THSD7B: variants seen among roughly 807,000 people sequenced by gnomAD.
The protein encoded by THSD7B is thrombospondin type-1 domain-containing protein 7B.
Under a neutral mutation model 213.6 loss-of-function variants are expected in THSD7B, and 138 were observed. The observed-to-expected ratio is 0.65, with a 90% CI of 0.56 to 0.74. The LOEUF (loss-of-function observed/expected upper bound fraction) is 0.74. THSD7B is among the 30% of genes least tolerant of loss of function. The probability of loss-of-function intolerance (pLI) is 0.00; values close to 1 mark genes in which losing one functional copy is unlikely to be tolerated. For synonymous variants in THSD7B, 742 were observed against 687.0 expected, an observed-to-expected ratio of 1.08 and a Z score of -1.25; for missense variants, 1,931 against 1,991.5, an observed-to-expected ratio of 0.97 and a Z score of 0.58.
intron 12 of THSD7B, among the ~76,000 whole-genome samples, chr2:137,323,947 A>C (rs1684314217): frequency 6.6e-6 from 1 of 152,192 alleles, no homozygotes; most frequent in South Asian, 2.1e-4. Context: ...TCCCTAAGTC[A>C]TAATCATTTT....
rs911098566 is a variant in THSD7B at position 137,559,407 on chromosome 2, C to T, written c.3139-3814C>T. On this transcript the variant is annotated intron_variant, in intron 15 of 27. Coordinates refer to ENST00000409968, the MANE Select transcript of THSD7B (RefSeq NM_001316349.2). ...CATAACAGAGCCCTCAGAGATAATA[C>T]CACACATCTACAACTATCTGATTTT... is the stretch of plus-strand genomic sequence containing the variant. 9.9e-5 allele frequency among the ~76,000 whole-genome samples: 15 copies of T among 152,190 alleles called. 1 individual carries two copies. Among genetic ancestry groups the T allele is most frequent in the African/African-American group, 3.6e-4 (15 of 41,500 alleles).
At chr2:137,150,947 T>C (rs1048276857) in intron 5 of THSD7B, among the ~76,000 whole-genome samples, 3 of 152,124 alleles carry the variant, frequency 2.0e-5, no homozygotes, top group Non-Finnish European at 4.4e-5. Flanking sequence ...TGTAAAAGAT[T>C]AAAACCCGGC....
chr2:137,023,433 C>G (rs991005768), intron 2 of THSD7B, among the ~76,000 whole-genome samples: 1 of 152,084 alleles, frequency 6.6e-6, no homozygotes, highest in African/African-American at 2.4e-5. Context: ...TAGGAAGGGA[C>G]TCTGGGAAAT....
intron 20 of THSD7B, among the ~76,000 whole-genome samples, chr2:137,640,141 T>G (rs530558067): frequency 1.3e-5 from 2 of 152,252 alleles, no homozygotes; most frequent in South Asian, 4.1e-4. Flanking sequence ...CCACCTGTTG[T>G]GGGAGGGACC....
chr2:136,797,593 G>A (rs1463012912), intron 1 of THSD7B, among the ~76,000 whole-genome samples: 1 of 151,864 alleles, frequency 6.6e-6, no homozygotes, highest in Non-Finnish European at 1.5e-5. Flanking sequence ...TTTTGAGATT[G>A]GTGAAATGGA....
rs1266589401 is a variant in THSD7B, at chr2:137,271,481, A to T, written c.2267-1052A>T. ...ATATATAATATAATATATAATATAAAATCATATATATATTATTCATTCATA... is the reference window on the plus strand; with the variant it reads ...ATATATAATATAATATATAATATAATATCATATATATATTATTCATTCATA... On this transcript the variant is annotated intron_variant, in intron 10 of 27. Transcript: ENST00000409968. Among the ~76,000 whole-genome samples, 74 of 139,182 alleles carry T rather than the reference A, an allele frequency of 5.3e-4. 3 individuals carry two copies. Among genetic ancestry groups the T allele is most frequent in the African/African-American group, 1.3e-3 (48 of 36,138 alleles). The allele number at this position is 139,182 out of a possible 152,430, so 91.3% of individuals were successfully genotyped here.
At chr2:136,768,939 G>A (rs1037630632) in intron 1 of THSD7B, among the ~76,000 whole-genome samples, 3 of 152,168 alleles carry the variant, frequency 2.0e-5, no homozygotes, top group African/African-American at 7.2e-5. Flanking sequence ...CGTTAAACCT[G>A]TGAAAGTAGA....
intron 15 of THSD7B, among the ~76,000 whole-genome samples, chr2:137,495,088 G>A (rs559294544): frequency 1.3e-5 from 2 of 152,068 alleles, no homozygotes; most frequent in Non-Finnish European, 2.9e-5. Flanking sequence ...TCTCTCTATG[G>A]TAGGTAGAAT....
intron 10 of THSD7B, among the ~76,000 whole-genome samples, chr2:137,266,555 A>G (rs1682593981): frequency 6.6e-6 from 1 of 152,224 alleles, no homozygotes; most frequent in Non-Finnish European, 1.5e-5. Flanking sequence ...GCCTGGAACA[A>G]TACTGGGGCT....
intron 1 of THSD7B, among the ~76,000 whole-genome samples, chr2:136,773,679 T>C (rs1447048476): frequency 6.6e-6 from 1 of 151,404 alleles, no homozygotes; most frequent in Middle Eastern, 3.4e-3. Flanking sequence ...ATGTGGCTGG[T>C]GGCCACCATA....
At chr2:137,347,769 T>C (rs1684909680) in intron 12 of THSD7B, among the ~76,000 whole-genome samples, 1 of 151,518 alleles carries the variant, frequency 6.6e-6, no homozygotes, top group African/African-American at 2.4e-5. Flanking sequence ...TCAACTTCTA[T>C]GCTTAGGATA....
chr2:137,473,437 T>C (rs1688131367), intron 15 of THSD7B, among the ~76,000 whole-genome samples: 1 of 152,108 alleles, frequency 6.6e-6, no homozygotes, highest in South Asian at 2.1e-4. Context: ...CTCTATCTCC[T>C]GACCTCATGA....
chr2:137,312,273 G>T (rs967270424), intron 12 of THSD7B, among the ~76,000 whole-genome samples: 1 of 152,162 alleles, frequency 6.6e-6, no homozygotes, highest in African/African-American at 2.4e-5. Context: ...ATTTCTTCTA[G>T]ATTTTCTAGT....
chr2:137,611,464 C>A (rs1195514661), intron 17 of THSD7B, among the ~76,000 whole-genome samples: 1 of 152,032 alleles, frequency 6.6e-6, no homozygotes, highest in Non-Finnish European at 1.5e-5. Context: ...GATGAAATTG[C>A]TTAACCTCTC....
intron 14 of THSD7B, among the ~76,000 whole-genome samples, chr2:137,432,569 T>C (rs1026404700): frequency 6.6e-6 from 1 of 152,204 alleles, no homozygotes; most frequent in African/African-American, 2.4e-5. Context: ...CCTGTGCTCA[T>C]GTTTTCCTAG....
intron 12 of THSD7B, among the ~76,000 whole-genome samples, chr2:137,337,657 C>T (rs1218027679): frequency 1.3e-5 from 2 of 152,000 alleles, no homozygotes; most frequent in African/African-American, 4.8e-5. Flanking sequence ...GATTCTTACC[C>T]ACAAAATTTA....
At chr2:136,793,787 A>T (rs997000216) in intron 1 of THSD7B, among the ~76,000 whole-genome samples, 12 of 151,956 alleles carry the variant, frequency 7.9e-5, no homozygotes, top group African/African-American at 2.9e-4. Flanking sequence ...CTAGCCTCAT[A>T]ACATAAATTG....
intron 15 of THSD7B, among the ~76,000 whole-genome samples, chr2:137,497,278 T>C (rs1275652770): frequency 6.6e-6 from 1 of 152,160 alleles, no homozygotes; most frequent in East Asian, 1.9e-4. Flanking sequence ...AAAATAACAT[T>C]CTGTTGATTA....
At chr2:137,584,214 C>T (rs193105104) in intron 17 of THSD7B, among the ~76,000 whole-genome samples, 7 of 152,290 alleles carry the variant, frequency 4.6e-5, no homozygotes, top group Admixed American at 4.6e-4. Context: ...GCTGAAGTTG[C>T]TTATCAGCTT....
Sources: gnomAD v4.1 joint callset for allele counts (sites outside exome capture counted in the v4.1 genomes callset) on GRCh38, gnomAD v4.1.1 for gene constraint, MANE v1.5 for transcripts, NCBI Gene and HGNC (gene_info 2026-07-23, HGNC 2026-07-21) for gene names.